The following RBMX variants were observed in gnomAD, a reference collection of about 807,000 sequenced individuals.
RBMX encodes RNA-binding motif protein, X chromosome.
Under a neutral mutation model 29.3 loss-of-function variants are expected in RBMX, and 1 was observed. The ratio of observed to expected loss-of-function variants is 0.03; its 90% CI spans 0.01 to 0.16. RBMX has a LOEUF of 0.16. Among genes scored for constraint, RBMX ranks in the 10% least tolerant of loss-of-function variants. The pLI is 1.00. For missense variants in RBMX, 121 were observed against 333.2 expected, an observed-to-expected ratio of 0.36 and a Z score of 4.96; for synonymous variants, 102 against 102.3, an observed-to-expected ratio of 1.00 and a Z score of 0.02.
At chrX:136,869,241 GAA>G (rs2077671442), downstream of RBMX, 1 of 112,402 alleles carries the variant, frequency 8.9e-6, no homozygotes, top group Admixed American at 9.5e-5. Flanking sequence ...TCCAAAAAGT[GAA>G]AAGTGATCTA....
chrX:136,878,913 A>G, intron 3 of RBMX, 104 bp downstream of exon 3: 1 of 1,051,782 alleles, frequency 9.5e-7, no homozygotes, highest in Non-Finnish European at 1.3e-6. Context: ...GTATATACTG[A>G]AAAACAACGA....
chrX:136,876,453 ATTCT>A, intron 5 of RBMX, 46 bp downstream of exon 5: 1 of 1,111,797 alleles, frequency 9.0e-7, no homozygotes, highest in Non-Finnish European at 1.2e-6. Flanking sequence ...TCACCTCTCA[ATTCT>A]TTGTGTTACG....
rs373439816 is a variant in RBMX, at chrX:136,875,806, GT to G, written c.542-222del. 5.1e-3 allele frequency among the ~76,000 whole-genome samples: 517 copies of G among 101,389 alleles called. 7 individuals are homozygous for G. The highest frequency in any genetic ancestry group is 0.016 in the African/African-American group (465 of 28,288). The allele number at this position is 101,389 out of a possible 115,157, so 88.0% of individuals were successfully genotyped here. A position where few individuals can be genotyped will look rare whatever the true frequency, so the allele number is the denominator to read the frequency against. ...CCTAGAACACATGACTAAAAGTTTT[GT>G]TTTTTTTTTTTGAGATGGGAGTCTC... is the stretch of plus-strand genomic sequence containing the variant. On this transcript the variant is annotated intron_variant, in intron 5 of 8. Transcript: ENST00000320676.
Position 136,875,183 on chromosome X carries a change from A to C in RBMX, c.783-15T>G. 8.3e-7 allele frequency: 1 copy of C among 1,211,311 alleles called. No individual in the cohort carries two copies. The highest frequency in any genetic ancestry group is 1.1e-6 in the Non-Finnish European group (1 of 895,423). ...CATCTCTATCGCTAAATTAAAGAGA[A>C]ACCTTTAAGTCCCAGAGAATCAACT... On this transcript the variant is annotated splice_polypyrimidine_tract_variant and intron_variant, in intron 7 of 8. Transcript: ENST00000320676.
chrX:136,871,439 G>A (rs868105815), downstream of RBMX, among the ~76,000 whole-genome samples: 1,067 of 64,672 alleles, frequency 0.016, 18 homozygotes, highest in African/African-American at 0.054. Flanking sequence ...GCAAGACTCC[G>A]TCTCAAAAAA....
In RBMX at chrX:136,873,512, C is replaced by CT; in HGVS notation, c.*629dup. ...GTATTCTGTAGTTGTTTAACACACACTTAAATGGTCTTATTGGGGGAAGGG... is the reference window on the plus strand; with the variant it reads ...GTATTCTGTAGTTGTTTAACACACACTTTAAATGGTCTTATTGGGGGAAGGG... On this transcript the variant is annotated 3_prime_UTR_variant, in exon 9 of 9. Coordinates refer to ENST00000320676, the MANE Select transcript of RBMX (RefSeq NM_002139.4). The CT allele has an allele frequency of 1.3e-6, 1 of 752,005 alleles. No homozygotes were observed. The highest frequency in any genetic ancestry group is 6.8e-5 in the South Asian group (1 of 14,805). The allele number at this position is 752,005 out of a possible 1,213,427, so 62.0% of individuals were successfully genotyped here.
At position 136,874,006 on chromosome X, in the gene RBMX, TGGAGG is replaced by T; in HGVS notation, c.*131_*135del. 9.1e-7 allele frequency: 1 copy of T among 1,099,326 alleles called. No homozygotes were observed. The highest frequency in any genetic ancestry group is 3.2e-5 in the East Asian group (1 of 30,843). 90.6% of individuals were successfully genotyped at this position (1,099,326 alleles called of 1,213,427 possible). On this transcript the variant is annotated 3_prime_UTR_variant, in exon 9 of 9. Coordinates refer to ENST00000320676, the MANE Select transcript of RBMX (RefSeq NM_002139.4). ...TTTCCTCACAAGAACATAAAAATTATGGAGGGGAACTTAACAGGGAATTTAAAAAA... is the reference window on the plus strand; with the variant it reads ...TTTCCTCACAAGAACATAAAAATTATGGAACTTAACAGGGAATTTAAAAAA...
chrX:136,877,714 G>C (rs760545243), intron 4 of RBMX, among the ~76,000 whole-genome samples: 1 of 112,057 alleles, frequency 8.9e-6, no homozygotes, highest in African/African-American at 3.2e-5. Context: ...TGGACAAGAA[G>C]TAACACTGTC....
rs1357419921 is a variant in RBMX, at chrX:136,874,282, C to G, written c.1036G>C (p.Glu346Gln). 5.8e-6 allele frequency: 7 copies of G among 1,212,423 alleles called. No homozygotes were observed. The highest frequency in any genetic ancestry group is 6.7e-6 in the Non-Finnish European group (6 of 895,623). ...TCCATAGAAGGGGGAAGCCCTCTTTCTTGTCTGCCAACCCGATCACGACCA... is the reference window on the plus strand; with the variant it reads ...TCCATAGAAGGGGGAAGCCCTCTTTGTTGTCTGCCAACCCGATCACGACCA... Reference protein sequence around the residue: ...SSGRDRVGRQERGLPPSMERG... With the variant: ...SSGRDRVGRQQRGLPPSMERG... Residue 346 changes from glutamate (E) to glutamine (Q), a missense_variant, in exon 9 of 9, where the codon GAA (glutamate) becomes CAA (glutamine). Physicochemically the swap from Glu to Gln is conservative, Grantham distance 29. Around this residue, in one of 2 missense-constraint regions of RBMX, gnomAD observed 114 missense variants for 260.0 expected, o/e 0.44. Transcript: ENST00000320676.
chrX:136,872,474 TCTA>T (rs2077691393), downstream of RBMX: 2 of 573,194 alleles, frequency 3.5e-6, no homozygotes, highest in Non-Finnish European at 5.7e-6. Flanking sequence ...TATTTCATGT[TCTA>T]CTATTTGTCT....
At chrX:136,877,575 G>A (rs1172148286) in intron 4 of RBMX, among the ~76,000 whole-genome samples, 4 of 106,596 alleles carry the variant, frequency 3.8e-5, no homozygotes, top group African/African-American at 6.9e-5. Context: ...CTCAGCCTCC[G>A]TAGTAGCTGG....
Position 136,875,188 on chromosome X carries a change from T to C in RBMX, c.783-20A>G, listed in dbSNP as rs749841749. On this transcript the variant is annotated intron_variant, in intron 7 of 8. Coordinates refer to ENST00000320676, the MANE Select transcript of RBMX (RefSeq NM_002139.4). ...CTATCGCTAAATTAAAGAGAAACCT[T>C]TAAGTCCCAGAGAATCAACTTTCAT... 4 of 1,210,964 alleles carry C rather than the reference T, an allele frequency of 3.3e-6. No individual in the cohort carries two copies. In the Admixed American group the frequency reaches 8.7e-5, roughly 26 times the overall value.
downstream of RBMX, chrX:136,869,384 T>TC (rs2077672198): frequency 8.9e-6 from 1 of 112,314 alleles, no homozygotes; most frequent in African/African-American, 3.2e-5. Context: ...GCTAGGTCAG[T>TC]AAACTATCAA....
chrX:136,877,434 GAAGGTAGTCTTAA>G (rs945856567), intron 4 of RBMX, among the ~76,000 whole-genome samples: 3 of 97,020 alleles, frequency 3.1e-5, no homozygotes, highest in Non-Finnish European at 6.1e-5. Context: ...AATAAGAACT[GAAGGTAGTCTTAA>G]AAAACTTTTT....
chrX:136,872,454 CAG>C, downstream of RBMX: 3 of 646,736 alleles, frequency 4.6e-6, no homozygotes, highest in Non-Finnish European at 7.3e-6. Flanking sequence ...TTCAGACTTG[CAG>C]CTTAATATAT....
chrX:136,871,547 T>A (rs971889960), downstream of RBMX, among the ~76,000 whole-genome samples: 1 of 111,705 alleles, frequency 9.0e-6, no homozygotes, highest in African/African-American at 3.2e-5. Flanking sequence ...CACAGTTGCA[T>A]CATTAACTCC....
chrX:136,876,759 G>C, intron 4 of RBMX, 104 bp from the exon 5 acceptor site: 2 of 693,966 alleles, frequency 2.9e-6, no homozygotes, highest in Middle Eastern at 9.4e-4. Context: ...CCAGGCTGGA[G>C]TGCAGTGGCT....
chrX:136,874,087 G>C lies in RBMX; in HGVS notation c.*55C>G, dbSNP rs2077703764. The C allele has an allele frequency of 8.6e-7, 1 of 1,158,731 alleles. No individual in the cohort carries two copies. The highest frequency in any genetic ancestry group is 2.7e-5 in the Admixed American group (1 of 37,384). ...GTCCTTGGGTAGTTATGATAGAATAGTTTCCACTTTTTGTTTCTTTGAACT... is the reference window on the plus strand; with the variant it reads ...GTCCTTGGGTAGTTATGATAGAATACTTTCCACTTTTTGTTTCTTTGAACT... On this transcript the variant is annotated 3_prime_UTR_variant, in exon 9 of 9. Transcript: ENST00000320676.
chrX:136,874,062 G>T lies in RBMX; in HGVS notation c.*80C>A, dbSNP rs2077703415. The T allele has an allele frequency of 8.8e-7, 1 of 1,133,110 alleles. No homozygotes were observed. Among genetic ancestry groups the T allele is most frequent in the Non-Finnish European group, 1.2e-6 (1 of 858,822 alleles). 93.4% of individuals were successfully genotyped at this position (1,133,110 alleles called of 1,213,427 possible). ...AGTAACACAATTTTTCCTTTTAGTA[G>T]TCCTTGGGTAGTTATGATAGAATAG... On this transcript the variant is annotated 3_prime_UTR_variant, in exon 9 of 9. Coordinates refer to ENST00000320676, the MANE Select transcript of RBMX (RefSeq NM_002139.4).
Sources: allele counts gnomAD v4.1 joint callset (sites outside exome capture counted in the v4.1 genomes callset), GRCh38; gene constraint gnomAD v4.1.1; regional missense constraint gnomAD v4.1.1; transcripts MANE v1.5; gene names NCBI Gene and HGNC (gene_info 2026-07-23, HGNC 2026-07-21).